The following CNTNAP4 variants were observed in gnomAD, a reference collection of about 807,000 sequenced individuals.
CNTNAP4 encodes contactin-associated protein-like 4.
CNTNAP4 carries 98 observed loss-of-function variants against 148.4 expected under a neutral mutation model. That is an observed-to-expected ratio of 0.66 (90% CI 0.56 to 0.78). The LOEUF is 0.78. CNTNAP4 is among the 30% of genes least tolerant of loss of function. CNTNAP4 has a pLI of 0.00. For synonymous variants in CNTNAP4, 730 were observed against 565.1 expected (o/e 1.29, Z -4.14); for missense variants, 1,935 against 1,565.6 (o/e 1.24, Z -3.98).
At chr16:76,366,593 A>G (rs891336372) in intron 3 of CNTNAP4, among the ~76,000 whole-genome samples, 6 of 152,032 alleles carry the variant, frequency 3.9e-5, no homozygotes, top group Non-Finnish European at 8.8e-5. Flanking sequence ...TGCAGTAAAC[A>G]TTTGCGTGCA....
chr16:76,413,994 C>T (rs1275379202), intron 3 of CNTNAP4, among the ~76,000 whole-genome samples: 1 of 151,162 alleles, frequency 6.6e-6, no homozygotes, highest in Non-Finnish European at 1.5e-5. Flanking sequence ...ACTCATACAC[C>T]TATAAATAAA....
At chr16:76,446,570 TAAGAC>T (rs1323855103) in intron 4 of CNTNAP4, among the ~76,000 whole-genome samples, 8 of 152,130 alleles carry the variant, frequency 5.3e-5, no homozygotes, top group Non-Finnish European at 7.4e-5. Context: ...AATAAGTAGA[TAAGAC>T]AGTCAGAAAG....
At chr16:76,512,926 C>T (rs2083084399) in intron 15 of CNTNAP4, among the ~76,000 whole-genome samples, 1 of 152,110 alleles carries the variant, frequency 6.6e-6, no homozygotes, top group Non-Finnish European at 1.5e-5. Flanking sequence ...ATGGCTTTAG[C>T]AACATGGATG....
rs566837062 is a variant in CNTNAP4, at chr16:76,514,918, A to G, written c.2366-6222A>G. 3.3e-3 allele frequency among the ~76,000 whole-genome samples: 507 copies of G among 152,318 alleles called. 3 individuals carry two copies. Among genetic ancestry groups the G allele is most frequent in the African/African-American group, 0.012 (489 of 41,578 alleles). ...TTTAGAAGATGCACTGATTACTAAAATATTCTTCACATCAGCATTTCAACA... is the reference window on the plus strand; with the variant it reads ...TTTAGAAGATGCACTGATTACTAAAGTATTCTTCACATCAGCATTTCAACA... On this transcript the variant is annotated intron_variant, in intron 15 of 23. Coordinates refer to ENST00000611870, the MANE Select transcript of CNTNAP4 (RefSeq NM_033401.5).
At chr16:76,444,976 G>C (rs893960251) in intron 4 of CNTNAP4, among the ~76,000 whole-genome samples, 1 of 152,086 alleles carries the variant, frequency 6.6e-6, no homozygotes, top group African/African-American at 2.4e-5. Context: ...TTCAAGGTGA[G>C]CCAACCTCAC....
intron 13 of CNTNAP4, among the ~76,000 whole-genome samples, chr16:76,494,015 G>T (rs1215841324): frequency 6.6e-6 from 1 of 152,132 alleles, no homozygotes; most frequent in Non-Finnish European, 1.5e-5. Context: ...TTGAGAAACT[G>T]ACTGATTCTA....
intron 3 of CNTNAP4, among the ~76,000 whole-genome samples, chr16:76,362,370 AG>A (rs1372572603): frequency 6.6e-6 from 1 of 152,176 alleles, no homozygotes; most frequent in Non-Finnish European, 1.5e-5. Flanking sequence ...TCAAAATCCC[AG>A]TGGCATTTTG....
chr16:76,346,039 C>G (rs1353750643), intron 2 of CNTNAP4, among the ~76,000 whole-genome samples: 1 of 151,990 alleles, frequency 6.6e-6, no homozygotes, highest in Non-Finnish European at 1.5e-5. Flanking sequence ...TTCTCAGCCT[C>G]TAGAACTGTG....
intron 4 of CNTNAP4, among the ~76,000 whole-genome samples, chr16:76,444,914 C>G (rs1208056582): frequency 6.6e-6 from 1 of 152,018 alleles, no homozygotes; most frequent in East Asian, 1.9e-4. Context: ...GCGACTGTAG[C>G]CAGTTTGTTG....
In CNTNAP4 at chr16:76,440,005, ATT is replaced by A. The variant is rs1336491729; in HGVS notation, c.539-8005_539-8004del. Among the ~76,000 whole-genome samples, 3 of 150,696 alleles carry A rather than the reference ATT, an allele frequency of 2.0e-5. No individual in the cohort carries two copies. The East Asian group carries it at 5.9e-4, about 29-fold the overall frequency. On this transcript the variant is annotated intron_variant, in intron 4 of 23. Transcript: ENST00000611870. ...AATAGTTAAACAGCGACTCAGTCTG[ATT>A]TGTGTTTCTTAGAAGTCAAAATTGG...
chr16:76,449,865 G>T lies in CNTNAP4; in HGVS notation c.1071+7G>T. 1 of 1,593,876 alleles carries T rather than the reference G, an allele frequency of 6.3e-7. No homozygotes were observed. The highest frequency in any genetic ancestry group is 8.5e-7 in the Non-Finnish European group (1 of 1,173,068). On this transcript the variant is annotated splice_region_variant and intron_variant, in intron 7 of 23. Transcript: ENST00000611870. ...ACCACAGATCATTGCTATGGTGAGA[G>T]TCTTTATGCGAAGACATTAGTAAAA...
chr16:76,294,361 A>G (rs1283169705), intron 1 of CNTNAP4, among the ~76,000 whole-genome samples: 2 of 152,174 alleles, frequency 1.3e-5, no homozygotes, highest in East Asian at 3.9e-4. Flanking sequence ...ATAAATAACC[A>G]GTAATATCAC....
intron 17 of CNTNAP4, 68 bp from the exon 18 acceptor site, chr16:76,535,477 T>C (rs1200217188): frequency 1.2e-5 from 19 of 1,550,520 alleles, no homozygotes; most frequent in African/African-American, 2.8e-5. Context: ...GCCTCAGTTT[T>C]GTTTGGTCTT....
chr16:76,295,909 C>T (rs560110436), intron 1 of CNTNAP4, among the ~76,000 whole-genome samples: 1 of 152,150 alleles, frequency 6.6e-6, no homozygotes, highest in Non-Finnish European at 1.5e-5. Context: ...CCTCTGCCTC[C>T]TGGGTTCCAG....
chr16:76,284,846 T>G (rs769985390), intron 1 of CNTNAP4, among the ~76,000 whole-genome samples: 15 of 152,234 alleles, frequency 9.9e-5, no homozygotes, highest in Admixed American at 2.0e-4. Flanking sequence ...TCCAAAGTGC[T>G]GATTACTTCA....
rs148176749 is a variant in CNTNAP4, at chr16:76,370,956, G to A, written c.390+15445G>A. Among the ~76,000 whole-genome samples the A allele has an allele frequency of 1.0e-3, 119 of 116,224 alleles. 2 individuals carry two copies. In the East Asian group the frequency reaches 0.023, roughly 22 times the overall value. 76.2% of individuals were successfully genotyped at this position (116,224 alleles called of 152,430 possible). On this transcript the variant is annotated intron_variant, in intron 3 of 23. Coordinates refer to ENST00000611870, the MANE Select transcript of CNTNAP4 (RefSeq NM_033401.5). The stretch of plus-strand genomic sequence containing the variant: ...TCTTCTGTCCTGGTAATATTTATGA[G>A]TAGGCAAAGCTAGCCAAGAACAGTC...
At chr16:76,526,559 C>G (rs1376324250) in intron 17 of CNTNAP4, among the ~76,000 whole-genome samples, 1 of 152,124 alleles carries the variant, frequency 6.6e-6, no homozygotes, top group Non-Finnish European at 1.5e-5. Context: ...ACCCAACTTG[C>G]TAATGAATTG....
chr16:76,385,373 A>C (rs565330053), intron 3 of CNTNAP4, among the ~76,000 whole-genome samples: 4 of 152,226 alleles, frequency 2.6e-5, no homozygotes, highest in Non-Finnish European at 5.9e-5. Context: ...GGATAAAAAT[A>C]CCTTGTTTTT....
At chr16:76,286,106 C>A (rs1473699341) in intron 1 of CNTNAP4, among the ~76,000 whole-genome samples, 3 of 149,044 alleles carry the variant, frequency 2.0e-5, no homozygotes, top group African/African-American at 7.6e-5. Flanking sequence ...GACGACTGAC[C>A]AAGGACAAAA....
Sources: gnomAD v4.1 joint callset for allele counts (sites outside exome capture counted in the v4.1 genomes callset) on GRCh38, gnomAD v4.1.1 for gene constraint, MANE v1.5 for transcripts, NCBI Gene and HGNC (gene_info 2026-07-23, HGNC 2026-07-21) for gene names.